ADGRV1: variants seen among roughly 807,000 people sequenced by gnomAD.
The protein encoded by ADGRV1 is adhesion G protein-coupled receptor V1.
In ADGRV1, 359 loss-of-function variants were observed where a neutral mutation model predicts 596.2. That is an observed-to-expected ratio of 0.60 (90% CI 0.55 to 0.66). The LOEUF (loss-of-function observed/expected upper bound fraction) is 0.66. Ranked by LOEUF, ADGRV1 falls within the 30% of genes least tolerant of loss-of-function variation. The pLI, the probability that ADGRV1 is intolerant of heterozygous loss-of-function variation, is 0.00. For missense variants in ADGRV1, 7,274 were observed against 7,575.6 expected, an observed-to-expected ratio of 0.96 and a Z score of 1.48; for synonymous variants, 2,681 against 2,679.2, an observed-to-expected ratio of 1.00 and a Z score of -0.02.
At chr5:90,763,600 TG>T (rs1756753903) in intron 59 of ADGRV1, 131 bp downstream of exon 59, 1 of 851,302 alleles carries the variant, frequency 1.2e-6, no homozygotes, top group Admixed American at 2.7e-5. Flanking sequence ...TGCTGGGGTT[TG>T]GGCTTCTAGT....
chr5:90,791,568 C>A, intron 70 of ADGRV1: 1 of 524,404 alleles, frequency 1.9e-6, no homozygotes, highest in Non-Finnish European at 3.4e-6. Context: ...TAGAAAGTAA[C>A]AGACACTTAT....
chr5:91,000,832 G>GA (rs550141935), intron 85 of ADGRV1, among the ~76,000 whole-genome samples: 29 of 149,964 alleles, frequency 1.9e-4, no homozygotes, highest in African/African-American at 3.9e-4. Flanking sequence ...ACAAGGGCAG[G>GA]AAAAAAAAAT....
At chr5:90,780,274 A>G (rs1406567017) in intron 64 of ADGRV1, among the ~76,000 whole-genome samples, 2 of 152,160 alleles carry the variant, frequency 1.3e-5, no homozygotes, top group East Asian at 1.9e-4. Context: ...TTTGATCTCA[A>G]AAGGTAAGTA....
Position 90,756,636 on chromosome 5 carries a change from A to G in ADGRV1, c.11757+6A>G, listed in dbSNP as rs2149982254. The G allele has an allele frequency of 1.2e-6, 2 of 1,610,908 alleles. No homozygotes were observed. The highest frequency in any genetic ancestry group is 2.2e-5 in the East Asian group (1 of 44,816). ...TTATGTTTCATGTTACTAGAGTGAG[A>G]TGAACTTTCATTTGTTTACAGTCAT... is the stretch of plus-strand genomic sequence containing the variant. On this transcript the variant is annotated splice_donor_region_variant and intron_variant, in intron 56 of 89. Transcript: ENST00000405460.
intron 50 of ADGRV1, among the ~76,000 whole-genome samples, chr5:90,735,853 T>C (rs1282904159): frequency 6.6e-6 from 1 of 152,164 alleles, no homozygotes; most frequent in African/African-American, 2.4e-5. Flanking sequence ...ACTTCAGTTA[T>C]CAGTTCTAAG....
intron 83 of ADGRV1, among the ~76,000 whole-genome samples, chr5:90,908,150 C>T (rs1263480299): frequency 9.9e-5 from 15 of 152,010 alleles, no homozygotes; most frequent in African/African-American, 4.8e-5. Flanking sequence ...CGTTTCAGGC[C>T]GGAATTTGCC....
At chr5:90,789,592 T>G in intron 68 of ADGRV1, 110 bp from the exon 69 acceptor site, 1 of 660,252 alleles carries the variant, frequency 1.5e-6, no homozygotes, top group Non-Finnish European at 2.4e-6. Flanking sequence ...CAAGTGTCAT[T>G]TTTATGTTTC....
At position 90,689,868 on chromosome 5, in the gene ADGRV1, T is replaced by G. The variant is rs770200530; in HGVS notation, c.6498T>G (p.Asp2166Glu). ...TACTTTTGGTCTTTTCAGGTGAAGA[T>G]TATAGTATAGCTTCATCAGATGTGG... ...AVPITAIAGE[D>E]YSIASSDVVL... The change falls in exon 30 of 90, where the codon GAT (aspartate) becomes GAG (glutamate). Residue 2166 changes from aspartate to glutamate, a missense_variant. Asp to Glu is a conservative substitution (Grantham distance 45, BLOSUM62 2). This residue lies in a region of ADGRV1 where 3,643 missense variants were observed against 3,809.2 expected (regional missense o/e 0.96). Transcript: ENST00000405460. The G allele has an allele frequency of 6.2e-7, 1 of 1,611,232 alleles. No individual in the cohort carries two copies. Among genetic ancestry groups the G allele is most frequent in the East Asian group, 2.2e-5 (1 of 44,832 alleles).
In ADGRV1 at chr5:90,884,167, T is replaced by A. The variant is rs111644494; in HGVS notation, c.17856+20310T>A. 9.6e-3 allele frequency among the ~76,000 whole-genome samples: 1,463 copies of A among 152,298 alleles called. 11 individuals are homozygous for A. The highest frequency in any genetic ancestry group is 0.041 in the Middle Eastern group (12 of 294). On this transcript the variant is annotated intron_variant, in intron 83 of 89. Transcript: ENST00000405460. ...GACCAGATAATTTGTTGTGGGGCAC[T>A]GTCCTGTGTATTGTAGGATGTTTAG...
intron 87 of ADGRV1, among the ~76,000 whole-genome samples, chr5:91,106,203 C>T (rs1272509166): frequency 6.6e-6 from 1 of 151,988 alleles, no homozygotes; most frequent in African/African-American, 2.4e-5. Flanking sequence ...TTCCTAGCGA[C>T]CTTTATTGAA....
chr5:90,627,164 G>C (rs1764872906), intron 6 of ADGRV1, 47 bp from the exon 7 acceptor site: 2 of 1,008,324 alleles, frequency 2.0e-6, no homozygotes, highest in African/African-American at 3.3e-5. Context: ...TTATTTGCAG[G>C]TGTTTTGGCT....
At chr5:90,778,704 T>A in intron 63 of ADGRV1, 95 bp downstream of exon 63, 1 of 1,129,156 alleles carries the variant, frequency 8.9e-7, no homozygotes, top group Non-Finnish European at 1.2e-6. Context: ...ATAAACTGAT[T>A]AATTTGCTCC....
At chr5:90,595,860 G>A (rs1281772971) in intron 1 of ADGRV1, among the ~76,000 whole-genome samples, 9 of 148,742 alleles carry the variant, frequency 6.1e-5, no homozygotes, top group Non-Finnish European at 1.0e-4. Flanking sequence ...CCTCCCTCCC[G>A]GACGGGGCGG....
At chr5:90,815,868 G>T (rs1322991347) in intron 75 of ADGRV1, 132 bp downstream of exon 75, 4 of 600,246 alleles carry the variant, frequency 6.7e-6, no homozygotes, top group East Asian at 2.9e-5. Context: ...GTCTTCAGAT[G>T]CTCTAGTTCT....
At chr5:90,866,978 C>G (rs116355213) in intron 83 of ADGRV1, among the ~76,000 whole-genome samples, 121 of 152,078 alleles carry the variant, frequency 8.0e-4, no homozygotes, top group African/African-American at 2.8e-3. Flanking sequence ...TGTGAAGAAA[C>G]AGCAAACAAA....
At chr5:90,923,850 A>T (rs1164091876) in intron 83 of ADGRV1, among the ~76,000 whole-genome samples, 3 of 142,166 alleles carry the variant, frequency 2.1e-5, no homozygotes, top group Non-Finnish European at 4.5e-5. Flanking sequence ...CTCATTGTTC[A>T]GTTCCCAGCT....
chr5:90,602,677 A>G (rs978660411), intron 1 of ADGRV1, among the ~76,000 whole-genome samples: 1 of 152,238 alleles, frequency 6.6e-6, no homozygotes, highest in Admixed American at 6.5e-5. Context: ...TGACAACCCA[A>G]TGTAATGTGG....
At chr5:90,711,974 G>A (rs1749417810) in intron 41 of ADGRV1, among the ~76,000 whole-genome samples, 1 of 152,054 alleles carries the variant, frequency 6.6e-6, no homozygotes, top group African/African-American at 2.4e-5. Flanking sequence ...TATATTTTTA[G>A]TGTATTTTAC....
intron 83 of ADGRV1, among the ~76,000 whole-genome samples, chr5:90,885,517 T>G (rs1168520239): frequency 6.6e-6 from 1 of 152,114 alleles, no homozygotes; most frequent in African/African-American, 2.4e-5. Flanking sequence ...AAAGTGAAAA[T>G]CTGTGGGAAA....
Sources: gnomAD v4.1 joint callset for allele counts (sites outside exome capture counted in the v4.1 genomes callset) on GRCh38, gnomAD v4.1.1 for gene constraint, gnomAD v4.1.1 regional missense constraint, MANE v1.5 for transcripts, NCBI Gene and HGNC (gene_info 2026-07-23, HGNC 2026-07-21) for gene names.